Variants in AJAP1 observed in about 807,000 individuals in gnomAD.
AJAP1 encodes adherens junctions associated protein 1.
AJAP1 carries 5 observed loss-of-function variants against 35.0 expected under a neutral mutation model. The observed-to-expected ratio is 0.14, with a 90% CI of 0.07 to 0.30. The LOEUF is 0.30. Ranked by LOEUF, AJAP1 falls within the 10% of genes least tolerant of loss-of-function variation. AJAP1 has a pLI of 1.00. For missense variants in AJAP1, 586 were observed against 571.0 expected, an observed-to-expected ratio of 1.03 and a Z score of -0.27; for synonymous variants, 284 against 249.3, an observed-to-expected ratio of 1.14 and a Z score of -1.31.
At chr1:4,765,981 G>A (rs1248595633) in intron 2 of AJAP1, among the ~76,000 whole-genome samples, 1 of 152,196 alleles carries the variant, frequency 6.6e-6, no homozygotes, top group Non-Finnish European at 1.5e-5. Context: ...GGAGGAGCAA[G>A]GTTCTAATCC....
At chr1:4,669,539 C>T (rs962028198) in intron 1 of AJAP1, among the ~76,000 whole-genome samples, 1 of 152,130 alleles carries the variant, frequency 6.6e-6, no homozygotes, top group African/African-American at 2.4e-5. Context: ...CTCACTATCA[C>T]GAGAACAGCA....
chr1:4,717,842 C>G (rs1352648218), intron 2 of AJAP1, among the ~76,000 whole-genome samples: 1 of 152,178 alleles, frequency 6.6e-6, no homozygotes, highest in Non-Finnish European at 1.5e-5. Context: ...TCCTCTTCCC[C>G]TTTGGTTGAA....
intron 2 of AJAP1, among the ~76,000 whole-genome samples, chr1:4,730,840 C>G (rs375305147): frequency 6.6e-6 from 1 of 152,154 alleles, no homozygotes. Context: ...GCCCTTCCTG[C>G]ACTTGGTGCT....
chr1:4,717,860 A>C (rs538063178), intron 2 of AJAP1, among the ~76,000 whole-genome samples: 1 of 152,224 alleles, frequency 6.6e-6, no homozygotes, highest in Non-Finnish European at 1.5e-5. Flanking sequence ...GAAAGCTGTG[A>C]TGGCCATTTA....
chr1:4,676,004 T>C (rs559120540), intron 1 of AJAP1, among the ~76,000 whole-genome samples: 1 of 152,348 alleles, frequency 6.6e-6, no homozygotes, highest in East Asian at 1.9e-4. Flanking sequence ...GAAGCCCGTC[T>C]TGTGGGCTCC....
intron 2 of AJAP1, among the ~76,000 whole-genome samples, chr1:4,721,854 A>G (rs1441795629): frequency 6.6e-6 from 1 of 152,248 alleles, no homozygotes; most frequent in Non-Finnish European, 1.5e-5. Flanking sequence ...AAAGCTTGAT[A>G]TAGTGTCCTA....
At chr1:4,764,288 T>C (rs12069833) in intron 2 of AJAP1, among the ~76,000 whole-genome samples, 70,992 of 152,070 alleles carry the variant, frequency 0.47, 16,993 homozygotes, top group African/African-American at 0.55. Flanking sequence ...GTCCCTGACA[T>C]AAAAGCTGGT....
chr1:4,694,073 C>T (rs1196794896), intron 1 of AJAP1, among the ~76,000 whole-genome samples: 1 of 152,214 alleles, frequency 6.6e-6, no homozygotes, highest in Non-Finnish European at 1.5e-5. Flanking sequence ...CTGCCCAGCA[C>T]ACCCCCAGGG....
At chr1:4,675,364 C>T (rs910346439) in intron 1 of AJAP1, among the ~76,000 whole-genome samples, 6 of 152,234 alleles carry the variant, frequency 3.9e-5, no homozygotes, top group African/African-American at 7.2e-5. Context: ...AAGGGATCCA[C>T]GCATGGAGTT....
Position 4,762,992 on chromosome 1 carries a change from G to A in AJAP1, c.830-6861G>A, listed in dbSNP as rs111515917. On this transcript the variant is annotated intron_variant, in intron 2 of 5. Coordinates refer to ENST00000378191, the MANE Select transcript of AJAP1 (RefSeq NM_018836.4). ...TGGCTTTGTTATTGATAAGGAAAGC[G>A]TTGGAGGGAGAAGGGGTGTTAAAAG... Among the ~76,000 whole-genome samples the A allele has an allele frequency of 3.2e-4, 49 of 152,174 alleles. No homozygotes were observed. In the East Asian group the frequency reaches 6.0e-3, roughly 19 times the overall value.
In AJAP1 at chr1:4,679,849, GTGT is replaced by G. The variant is rs1225202811; in HGVS notation, c.29+24396_29+24398del. 1.6e-4 allele frequency among the ~76,000 whole-genome samples: 23 copies of G among 140,616 alleles called. No individual in the cohort carries two copies. The South Asian group carries it at 2.8e-3, about 17-fold the overall frequency. 92.2% of individuals were successfully genotyped at this position (140,616 alleles called of 152,430 possible). On this transcript the variant is annotated intron_variant, in intron 1 of 5. Transcript: ENST00000378191. Reference sequence around the variant, plus strand: ...TGTGTGTGTGTGTGTGTGTGTGTGTGTGTAGAGAGAGATACTTACAAGGAGTTG... The same window carrying G: ...TGTGTGTGTGTGTGTGTGTGTGTGTGAGAGAGAGATACTTACAAGGAGTTG...
chr1:4,681,858 C>T (rs566169383), intron 1 of AJAP1, among the ~76,000 whole-genome samples: 1 of 152,276 alleles, frequency 6.6e-6, no homozygotes, highest in Non-Finnish European at 1.5e-5. Context: ...TCGGTCTCCC[C>T]ACCTGCAAAA....
rs1639779396 is a variant in AJAP1, at chr1:4,693,046, G to A, written c.30-18854G>A. Among the ~76,000 whole-genome samples the A allele has an allele frequency of 6.6e-6, 1 of 152,152 alleles. No homozygotes were observed. Among genetic ancestry groups the A allele is most frequent in the Admixed American group, 6.5e-5 (1 of 15,282 alleles). On this transcript the variant is annotated intron_variant, in intron 1 of 5. Coordinates refer to ENST00000378191, the MANE Select transcript of AJAP1 (RefSeq NM_018836.4). The surrounding 1 kb of genome is among the most constrained non-coding windows in gnomAD (Gnocchi z 4.4). Reference sequence around the variant, plus strand: ...TAAATAAGAATTGAGCTTCATAAATGCCCACCTCAGCTGTGCTTTACAGTT... The same window carrying A: ...TAAATAAGAATTGAGCTTCATAAATACCCACCTCAGCTGTGCTTTACAGTT...
chr1:4,728,540 G>C (rs1640723687), intron 2 of AJAP1, among the ~76,000 whole-genome samples: 2 of 152,168 alleles, frequency 1.3e-5, no homozygotes, highest in Non-Finnish European at 2.9e-5. Flanking sequence ...GGCCATCACA[G>C]CCTGCTCTTG....
At chr1:4,706,219 G>T (rs1004129728) in intron 1 of AJAP1, among the ~76,000 whole-genome samples, 1 of 152,158 alleles carries the variant, frequency 6.6e-6, no homozygotes, top group East Asian at 1.9e-4. Flanking sequence ...CGGCACTGCT[G>T]TGTCATAGAA....
At chr1:4,674,990 C>T (rs771006090) in intron 1 of AJAP1, among the ~76,000 whole-genome samples, 3 of 152,228 alleles carry the variant, frequency 2.0e-5, no homozygotes, top group Non-Finnish European at 2.9e-5. Context: ...GCTGAACCGT[C>T]GTCCTGCAGG....
chr1:4,757,180 G>A (rs1441369189), intron 2 of AJAP1, among the ~76,000 whole-genome samples: 1 of 152,230 alleles, frequency 6.6e-6, no homozygotes, highest in Non-Finnish European at 1.5e-5. Flanking sequence ...TCTCTCAGAA[G>A]ATCCTTTCCT....
chr1:4,787,546 G>A lies in AJAP1; in HGVS notation c.*5061G>A, dbSNP rs1284498006. 2 of 391,048 alleles carry A rather than the reference G, an allele frequency of 5.1e-6. No homozygotes were observed. Among genetic ancestry groups the A allele is most frequent in the Admixed American group, 3.0e-5 (1 of 33,150 alleles). The allele number at this position is 391,048 out of a possible 1,614,324, so 24.2% of individuals were successfully genotyped here. A position where few individuals can be genotyped will look rare whatever the true frequency, so the allele number is the denominator to read the frequency against. On this transcript the variant is annotated 3_prime_UTR_variant, in exon 6 of 6. Transcript: ENST00000378191. ...GAAGATAAGACATCGCAGTTGTTAC[G>A]ACGCCTGGTTCTCCACCAAATTCCT...
rs1638875732 is a variant in AJAP1, at chr1:4,656,108, AAC to A, written c.29+661_29+662del. ...GAGCTCCGGCGGCCACCCCGCTGTAAACACACACGCACATACGCCCGCCGGCG... is the reference window on the plus strand; with the variant it reads ...GAGCTCCGGCGGCCACCCCGCTGTAAACACACGCACATACGCCCGCCGGCG... On this transcript the variant is annotated intron_variant, in intron 1 of 5. Transcript: ENST00000378191. The surrounding 1 kb of genome is among the most constrained non-coding windows in gnomAD (Gnocchi z 5.7). 1.3e-5 allele frequency among the ~76,000 whole-genome samples: 2 copies of A among 151,176 alleles called. No homozygotes were observed. The highest frequency in any genetic ancestry group is 4.9e-5 in the African/African-American group (2 of 41,112).
Sources: allele counts gnomAD v4.1 joint callset (sites outside exome capture counted in the v4.1 genomes callset), GRCh38; gene constraint gnomAD v4.1.1; non-coding constraint Gnocchi (gnomAD v3.1); transcripts MANE v1.5; gene names NCBI Gene and HGNC (gene_info 2026-07-23, HGNC 2026-07-21).